RANBP2: variants seen among roughly 807,000 people sequenced by gnomAD.
RANBP2 encodes E3 SUMO-protein ligase RanBP2.
Under a neutral mutation model 303.6 loss-of-function variants are expected in RANBP2, and 57 were observed. That is an observed-to-expected ratio of 0.19 (90% CI 0.15 to 0.23). RANBP2 has a LOEUF of 0.23. RANBP2 is among the 10% of genes least tolerant of loss of function. The probability of loss-of-function intolerance (pLI) is 1.00; values close to 1 mark genes in which losing one functional copy is unlikely to be tolerated. For missense variants in RANBP2, 3,138 were observed against 3,780.8 expected (o/e 0.83, Z 4.46); for synonymous variants, 1,167 against 1,301.5 (o/e 0.90, Z 2.23).
chr2:109,727,783 C>T, the RANBP2 span, among the ~76,000 whole-genome samples: 1 of 152,192 alleles, frequency 6.6e-6, no homozygotes, highest in Non-Finnish European at 1.5e-5. Flanking sequence ...TTACCCAGGG[C>T]TTCCCTTTGG....
At chr2:109,492,561 G>A in the RANBP2 span, among the ~76,000 whole-genome samples, 6 of 152,156 alleles carry the variant, frequency 3.9e-5, no homozygotes, top group Admixed American at 1.3e-4. Context: ...TTCCCCAAGC[G>A]CTACATGTGT....
the RANBP2 span, among the ~76,000 whole-genome samples, chr2:109,774,515 A>ATAAAATATATATAT: frequency 1.4e-5 from 1 of 70,062 alleles, no homozygotes. Flanking sequence ...TATATATATA[A>ATAAAATATATATAT]TATATATTAT....
At chr2:108,928,890 T>A in the RANBP2 span, among the ~76,000 whole-genome samples, 8 of 152,250 alleles carry the variant, frequency 5.3e-5, no homozygotes, top group African/African-American at 9.6e-5. Context: ...TCCCAAAGTG[T>A]TTCACATGCG....
the RANBP2 span, among the ~76,000 whole-genome samples, chr2:109,476,927 G>A: frequency 6.6e-6 from 1 of 152,176 alleles, no homozygotes; most frequent in African/African-American, 2.4e-5. Context: ...TAGCAGTGAG[G>A]ACAACCAGAG....
the RANBP2 span, among the ~76,000 whole-genome samples, chr2:109,142,047 G>T: frequency 4.0e-5 from 6 of 151,150 alleles, no homozygotes; most frequent in South Asian, 8.4e-4. Context: ...GTCTCCTGGG[G>T]GGGGGGTCTC....
At chr2:109,464,286 A>G in the RANBP2 span, among the ~76,000 whole-genome samples, 1 of 152,214 alleles carries the variant, frequency 6.6e-6, no homozygotes, top group Admixed American at 6.5e-5. Flanking sequence ...ACACACATTC[A>G]TACATATACA....
chr2:109,337,565 G>A, the RANBP2 span, among the ~76,000 whole-genome samples: 3 of 152,234 alleles, frequency 2.0e-5, no homozygotes, highest in Admixed American at 2.0e-4. Flanking sequence ...CAAGAGGTCT[G>A]TGGAGCTTCC....
At chr2:109,223,965 G>C in the RANBP2 span, among the ~76,000 whole-genome samples, 1 of 152,188 alleles carries the variant, frequency 6.6e-6, no homozygotes, top group African/African-American at 2.4e-5. Context: ...TTGTGCCACT[G>C]CACTCCAGCC....
chr2:109,259,864 G>A, the RANBP2 span, among the ~76,000 whole-genome samples: 1 of 152,142 alleles, frequency 6.6e-6, no homozygotes, highest in African/African-American at 2.4e-5. Context: ...CCTCTGGGCC[G>A]GGCGCTGTGG....
chr2:109,508,511 G>A, the RANBP2 span, among the ~76,000 whole-genome samples: 1 of 152,030 alleles, frequency 6.6e-6, no homozygotes, highest in Non-Finnish European at 1.5e-5. Context: ...TTAGGAAAAT[G>A]AGATATAAAA....
chr2:109,187,217 T>A, the RANBP2 span, among the ~76,000 whole-genome samples: 1 of 152,246 alleles, frequency 6.6e-6, no homozygotes, highest in South Asian at 2.1e-4. Context: ...CTTGTTATCT[T>A]AGGTTGAGTT....
the RANBP2 span, among the ~76,000 whole-genome samples, chr2:109,409,069 A>G: frequency 6.6e-6 from 1 of 152,166 alleles, no homozygotes; most frequent in Non-Finnish European, 1.5e-5. Context: ...TTCCTTGTTG[A>G]CGTTTTGAGA....
the RANBP2 span, among the ~76,000 whole-genome samples, chr2:109,174,825 T>C: frequency 6.6e-6 from 1 of 152,184 alleles, no homozygotes; most frequent in Non-Finnish European, 1.5e-5. Context: ...GCGTGCAAGC[T>C]TCAGGGATAG....
chr2:109,159,995 G>A, the RANBP2 span, among the ~76,000 whole-genome samples: 2 of 152,154 alleles, frequency 1.3e-5, no homozygotes, highest in African/African-American at 2.4e-5. Context: ...AATGTGATGC[G>A]CTTGAATCAT....
the RANBP2 span, among the ~76,000 whole-genome samples, chr2:109,055,346 C>A: frequency 6.9e-6 from 1 of 144,336 alleles, no homozygotes; most frequent in Non-Finnish European, 1.5e-5. Flanking sequence ...ATATGTCTTG[C>A]CTTTTCTATT....
At chr2:108,738,878 C>T (rs1213838100) in intron 6 of RANBP2, among the ~76,000 whole-genome samples, 3 of 151,854 alleles carry the variant, frequency 2.0e-5, no homozygotes, top group Non-Finnish European at 4.4e-5. Flanking sequence ...GATCCACCCG[C>T]CTTGGCCTCC....
At chr2:109,702,918 T>A in the RANBP2 span, among the ~76,000 whole-genome samples, 5 of 152,006 alleles carry the variant, frequency 3.3e-5, no homozygotes, top group African/African-American at 7.2e-5. Context: ...AGCTCCGGTA[T>A]GAGTATGTCT....
At chr2:109,354,290 T>C in the RANBP2 span, among the ~76,000 whole-genome samples, 3 of 152,332 alleles carry the variant, frequency 2.0e-5, no homozygotes, top group East Asian at 5.8e-4. Context: ...CCCATCACCC[T>C]GCAGGCCCAG....
chr2:108,778,046 G>A (rs780027606), intron 25 of RANBP2, among the ~76,000 whole-genome samples: 14 of 151,878 alleles, frequency 9.2e-5, no homozygotes, highest in African/African-American at 3.1e-4. Context: ...CACTGATGTC[G>A]TTTATTTTTA....
Sources: allele counts gnomAD v4.1 joint callset (sites outside exome capture counted in the v4.1 genomes callset), GRCh38; gene constraint gnomAD v4.1.1; transcripts MANE v1.5; gene names NCBI Gene and HGNC (gene_info 2026-07-23, HGNC 2026-07-21).